Variants in NBAS observed in about 807,000 individuals in gnomAD.
NBAS encodes NBAS subunit of NRZ tethering complex.
A neutral mutation model predicts 302.5 loss-of-function variants in NBAS; 219 were observed. That is an observed-to-expected ratio of 0.72 (90% CI 0.65 to 0.81). The LOEUF is 0.81. NBAS is among the 30% of genes least tolerant of loss of function. The pLI, the probability that NBAS is intolerant of heterozygous loss-of-function variation, is 0.00. For synonymous variants in NBAS, 1,118 were observed against 1,021.6 expected (o/e 1.09, Z -1.80); for missense variants, 2,932 against 2,841.6 (o/e 1.03, Z -0.72).
At chr2:15,329,757 T>A (rs2148229921) in intron 36 of NBAS, among the ~76,000 whole-genome samples, 1 of 152,272 alleles carries the variant, frequency 6.6e-6, no homozygotes, top group Non-Finnish European at 1.5e-5. Context: ...AGTTTGTATT[T>A]GTTCTCCTTG....
the NBAS span, among the ~76,000 whole-genome samples, chr2:15,045,410 T>C: frequency 6.6e-6 from 1 of 152,170 alleles, no homozygotes; most frequent in African/African-American, 2.4e-5. Flanking sequence ...GCAGTTGGAG[T>C]GGCCTTGCAG....
intron 10 of NBAS, among the ~76,000 whole-genome samples, chr2:15,508,722 G>A (rs1195213937): frequency 6.6e-6 from 1 of 151,956 alleles, no homozygotes; most frequent in Non-Finnish European, 1.5e-5. Flanking sequence ...GTGCAGACTT[G>A]GCCGGGCATG....
At chr2:15,558,554 AC>A (rs750129987) in intron 2 of NBAS, 25 bp downstream of exon 2, 8 of 1,594,576 alleles carry the variant, frequency 5.0e-6, no homozygotes, top group Non-Finnish European at 6.9e-6. Flanking sequence ...CCATATCATT[AC>A]TGTAGAGAAA....
chr2:15,443,454 C>G (rs542553992), intron 21 of NBAS, among the ~76,000 whole-genome samples: 356 of 152,044 alleles, frequency 2.3e-3, no homozygotes, highest in Non-Finnish European at 4.1e-3. Context: ...ATTCAACAAC[C>G]CTTCATGCTA....
chr2:15,187,526 C>T (rs1384978642), intron 49 of NBAS, among the ~76,000 whole-genome samples: 1 of 152,042 alleles, frequency 6.6e-6, no homozygotes, highest in Non-Finnish European at 1.5e-5. Flanking sequence ...ATACTTTGGG[C>T]TTCACGTTGT....
At chr2:14,880,467 A>G in the NBAS span, among the ~76,000 whole-genome samples, 2 of 152,144 alleles carry the variant, frequency 1.3e-5, no homozygotes, top group Non-Finnish European at 1.5e-5. Flanking sequence ...TTAATTAGAA[A>G]TTCAAAATGG....
intron 9 of NBAS, among the ~76,000 whole-genome samples, chr2:15,514,915 T>C (rs1308853055): frequency 6.6e-6 from 1 of 152,150 alleles, no homozygotes; most frequent in African/African-American, 2.4e-5. Context: ...GGATTCAGTA[T>C]CTGTTCCCAG....
intron 29 of NBAS, among the ~76,000 whole-genome samples, chr2:15,380,047 C>T (rs1301033975): frequency 6.6e-6 from 1 of 152,002 alleles, no homozygotes. Context: ...TAAAAAAAGT[C>T]AATCTTTTAG....
chr2:15,480,579 A>C (rs1228647868), intron 12 of NBAS, among the ~76,000 whole-genome samples: 1 of 152,176 alleles, frequency 6.6e-6, no homozygotes, highest in Admixed American at 6.5e-5. Context: ...AGGGGTACAA[A>C]GAAGTTTTAT....
the NBAS span, among the ~76,000 whole-genome samples, chr2:15,003,510 G>C: frequency 6.6e-6 from 1 of 152,140 alleles, no homozygotes; most frequent in Non-Finnish European, 1.5e-5. Flanking sequence ...AGTTCTCAAA[G>C]CTATGAAGAA....
chr2:14,861,497 AAAAAC>A, the NBAS span, among the ~76,000 whole-genome samples: 2 of 152,226 alleles, frequency 1.3e-5, no homozygotes, highest in East Asian at 1.9e-4. Context: ...GCCAGTTTAG[AAAAAC>A]AAAACATCTT....
the NBAS span, among the ~76,000 whole-genome samples, chr2:15,045,689 C>T: frequency 1.3e-5 from 2 of 152,106 alleles, no homozygotes; most frequent in Non-Finnish European, 2.9e-5. Context: ...GTGCAGATAT[C>T]TCTATGAGGT....
intron 6 of NBAS, among the ~76,000 whole-genome samples, chr2:15,550,804 C>T (rs1573004422): frequency 6.6e-6 from 1 of 152,128 alleles, no homozygotes; most frequent in African/African-American, 2.4e-5. Context: ...CCAGGCTCGT[C>T]TCAAACTCCT....
At chr2:15,030,719 T>A in the NBAS span, among the ~76,000 whole-genome samples, 1 of 152,230 alleles carries the variant, frequency 6.6e-6, no homozygotes, top group Non-Finnish European at 1.5e-5. Flanking sequence ...GCTCTACAGC[T>A]GGGTTTCTCA....
In NBAS at chr2:15,360,649, C is replaced by CTTTTTTTTTT. The variant is rs369254532; in HGVS notation, c.3818-4243_3818-4234dup. 6.5e-5 allele frequency among the ~76,000 whole-genome samples: 8 copies of CTTTTTTTTTT among 123,226 alleles called. 1 individual carries two copies. The highest frequency in any genetic ancestry group is 1.2e-4 in the African/African-American group (4 of 33,374). The allele number at this position is 123,226 out of a possible 152,430, so 80.8% of individuals were successfully genotyped here. A position where few individuals can be genotyped will look rare whatever the true frequency, so the allele number is the denominator to read the frequency against. On this transcript the variant is annotated intron_variant, in intron 32 of 51. Transcript: ENST00000281513. ...AGAAGTCTGAGCCGCCATGACCAGC[C>CTTTTTTTTTT]TTTTTTTTTTTTTTTTTTTTAACTT...
chr2:14,952,253 CAGAGT>C, the NBAS span, among the ~76,000 whole-genome samples: 1 of 152,238 alleles, frequency 6.6e-6, no homozygotes, highest in Non-Finnish European at 1.5e-5. Context: ...CAGGTGCTTA[CAGAGT>C]AGATAACATG....
At chr2:15,347,291 C>T (rs1383664676) in intron 35 of NBAS, among the ~76,000 whole-genome samples, 2 of 152,102 alleles carry the variant, frequency 1.3e-5, no homozygotes, top group East Asian at 1.9e-4. Context: ...ACAAACAATG[C>T]AGAAATTCTA....
chr2:14,945,841 G>A, the NBAS span, among the ~76,000 whole-genome samples: 6 of 152,332 alleles, frequency 3.9e-5, no homozygotes, highest in Admixed American at 3.3e-4. Context: ...AGCACTTTGG[G>A]AGGCCAAGGT....
chr2:15,079,029 A>G, the NBAS span, among the ~76,000 whole-genome samples: 1 of 152,180 alleles, frequency 6.6e-6, no homozygotes, highest in African/African-American at 2.4e-5. Context: ...CATCTCCACC[A>G]TCACTTTTCT....
Sources: allele counts gnomAD v4.1 joint callset (sites outside exome capture counted in the v4.1 genomes callset), GRCh38; gene constraint gnomAD v4.1.1; transcripts MANE v1.5; gene names NCBI Gene and HGNC (gene_info 2026-07-23, HGNC 2026-07-21).